CILK1: variants seen among roughly 807,000 people sequenced by gnomAD.
The protein encoded by CILK1 is ciliogenesis associated kinase 1.
CILK1 carries 47 observed loss-of-function variants against 79.2 expected under a neutral mutation model. The ratio of observed to expected loss-of-function variants is 0.59; its 90% confidence interval spans 0.47 to 0.76. The LOEUF is 0.76. CILK1 is among the 30% of genes least tolerant of loss of function. CILK1 has a pLI of 0.00. For synonymous variants in CILK1, 266 were observed against 275.9 expected (o/e 0.96, Z 0.36); for missense variants, 660 against 769.5 (o/e 0.86, Z 1.68).
At chr6:53,049,247 G>A (rs750483887) in intron 1 of CILK1, among the ~76,000 whole-genome samples, 4 of 152,214 alleles carry the variant, frequency 2.6e-5, no homozygotes, top group Non-Finnish European at 4.4e-5. Flanking sequence ...CCCACTTACA[G>A]TGGGCTATAC....
intron 1 of CILK1, among the ~76,000 whole-genome samples, chr6:53,056,322 G>C (rs1177514976): frequency 6.6e-6 from 1 of 152,200 alleles, no homozygotes; most frequent in Non-Finnish European, 1.5e-5. Flanking sequence ...ATAGGGCAGG[G>C]ATAAGCACGT....
Position 53,059,234 on chromosome 6 carries a change from G to A in CILK1, c.-173+2362C>T, listed in dbSNP as rs183587601. On this transcript the variant is annotated intron_variant, in intron 1 of 13. Transcript: ENST00000676107. ...AACTCGGGGGTGAAACTGGGGGGGAGCATTTTCCCTATTTTGCACATGAGA... is the reference window on the plus strand; with the variant it reads ...AACTCGGGGGTGAAACTGGGGGGGAACATTTTCCCTATTTTGCACATGAGA... Among the ~76,000 whole-genome samples the A allele has an allele frequency of 1.4e-3, 213 of 152,242 alleles. 1 individual carries two copies. The highest frequency in any genetic ancestry group is 2.0e-3 in the Admixed American group (30 of 15,300).
intron 12 of CILK1, among the ~76,000 whole-genome samples, chr6:53,008,483 T>C (rs1764371726): frequency 6.6e-6 from 1 of 151,744 alleles, no homozygotes; most frequent in Non-Finnish European, 1.5e-5. Context: ...TGGAGTGCAG[T>C]GGCGCAATCT....
intron 1 of CILK1, among the ~76,000 whole-genome samples, chr6:53,044,313 G>A (rs987803752): frequency 2.0e-5 from 3 of 152,210 alleles, no homozygotes; most frequent in Non-Finnish European, 2.9e-5. Flanking sequence ...CTGCCCATGG[G>A]AGGGATCTAG....
intron 1 of CILK1, among the ~76,000 whole-genome samples, chr6:53,054,391 A>G (rs543967100): frequency 6.6e-6 from 1 of 152,302 alleles, no homozygotes; most frequent in South Asian, 2.1e-4. Flanking sequence ...CAAGTCCTCA[A>G]AGATTGTTTG....
At chr6:53,014,445 T>C (rs554546946) in intron 8 of CILK1, among the ~76,000 whole-genome samples, 1 of 152,334 alleles carries the variant, frequency 6.6e-6, no homozygotes, top group African/African-American at 2.4e-5. Flanking sequence ...ATCCCAAAAG[T>C]GCCAAGAGTG....
chr6:53,044,760 T>C lies in CILK1; in HGVS notation c.-172-3352A>G, dbSNP rs116673860. Among the ~76,000 whole-genome samples the C allele has an allele frequency of 2.3e-3, 343 of 152,228 alleles. 1 individual carries two copies. The highest frequency in any genetic ancestry group is 7.8e-3 in the African/African-American group (325 of 41,534). ...AGAGGTCGTAAGGGTAGGGGTCTGA[T>C]ACAATAGGGCTAGTGTCTTTTACCT... is the stretch of plus-strand genomic sequence containing the variant. On this transcript the variant is annotated intron_variant, in intron 1 of 13. Transcript: ENST00000676107.
At chr6:53,009,984 C>G (rs1437454700) in intron 11 of CILK1, among the ~76,000 whole-genome samples, 1 of 152,204 alleles carries the variant, frequency 6.6e-6, no homozygotes, top group Non-Finnish European at 1.5e-5. Flanking sequence ...ATCTTCTCAC[C>G]CGACCTGGAC....
At chr6:53,031,673 T>C (rs901240785) in intron 4 of CILK1, among the ~76,000 whole-genome samples, 9 of 152,172 alleles carry the variant, frequency 5.9e-5, no homozygotes, top group African/African-American at 2.2e-4. Context: ...ACCTGAGTAC[T>C]GCAGCAAGAG....
chr6:53,050,320 T>A (rs1236925670), intron 1 of CILK1, among the ~76,000 whole-genome samples: 1 of 151,850 alleles, frequency 6.6e-6, no homozygotes, highest in East Asian at 1.9e-4. Flanking sequence ...GAGACCTCAC[T>A]CCACAAGTAG....
chr6:53,033,265 A>T (rs538419139), intron 3 of CILK1, among the ~76,000 whole-genome samples: 4 of 152,326 alleles, frequency 2.6e-5, no homozygotes, highest in Admixed American at 2.6e-4. Flanking sequence ...GTTTCCAAGA[A>T]CAACGAAGGC....
rs2127394797 is a variant in CILK1 at position 53,003,157 on chromosome 6, G to C, written c.*1992C>G. On this transcript the variant is annotated 3_prime_UTR_variant, in exon 14 of 14. Coordinates refer to ENST00000676107, the MANE Select transcript of CILK1 (RefSeq NM_014920.5). ...TGTGCTTGCATATATATTTTCTGAA[G>C]CTTTGCTGCCAGCTTGTTAACAGGA... is the stretch of plus-strand genomic sequence containing the variant. 6.5e-6 allele frequency: 1 copy of C among 152,718 alleles called. No individual in the cohort carries two copies. Among genetic ancestry groups the C allele is most frequent in the East Asian group, 1.9e-4 (1 of 5,186 alleles). The allele number at this position is 152,718 out of a possible 1,614,324, so 9.5% of individuals were successfully genotyped here.
chr6:53,022,973 G>A (rs1043838474), intron 5 of CILK1, among the ~76,000 whole-genome samples: 27 of 148,424 alleles, frequency 1.8e-4, no homozygotes, highest in Non-Finnish European at 3.4e-4. Context: ...TTGCTCTGTT[G>A]CCCAGGCTAG....
intron 7 of CILK1, among the ~76,000 whole-genome samples, chr6:53,017,567 G>A (rs1465830198): frequency 6.6e-6 from 1 of 152,170 alleles, no homozygotes; most frequent in Non-Finnish European, 1.5e-5. Context: ...TTTTATGAGG[G>A]GAAGTCAGTA....
chr6:53,043,383 C>T (rs1013616035), intron 1 of CILK1, among the ~76,000 whole-genome samples: 4 of 151,864 alleles, frequency 2.6e-5, no homozygotes, highest in Non-Finnish European at 4.4e-5. Context: ...CTCCTGAAAG[C>T]CGTGTGTGAG....
At chr6:53,008,381 G>A (rs939162113) in intron 12 of CILK1, among the ~76,000 whole-genome samples, 1 of 151,756 alleles carries the variant, frequency 6.6e-6, no homozygotes, top group Non-Finnish European at 1.5e-5. Context: ...GCAGGGAGGC[G>A]GGAAAGGCAC....
chr6:53,051,708 C>T (rs1470395836), intron 1 of CILK1, among the ~76,000 whole-genome samples: 2 of 152,174 alleles, frequency 1.3e-5, no homozygotes, highest in African/African-American at 2.4e-5. Context: ...TATAAAGTAA[C>T]ACTCACAGGT....
In CILK1 at chr6:53,009,524, T is replaced by C; in HGVS notation, c.1536A>G (p.Glu512=). 1.2e-6 allele frequency: 2 copies of C among 1,612,238 alleles called. No individual in the cohort carries two copies. Among genetic ancestry groups the C allele is most frequent in the South Asian group, 2.2e-5 (2 of 91,034 alleles). ...TAGACCATGGATTAGGTGGAATAAA[T>C]TCCTTGCCTGGATTCGAGAGTATGC... ...RNGILSNPGK[E]FIPPNPWSSS... is the part of the protein sequence containing the mutation. Residue 512 remains glutamate (E), a synonymous_variant, in exon 12 of 14, where the codon GAA becomes GAG. Coordinates refer to ENST00000676107, the MANE Select transcript of CILK1 (RefSeq NM_014920.5).
chr6:53,010,733 C>A (rs1764524582), intron 11 of CILK1, among the ~76,000 whole-genome samples: 1 of 152,168 alleles, frequency 6.6e-6, no homozygotes. Flanking sequence ...GGGGCCCAGT[C>A]AAGTTGCTTA....
Sources: gnomAD v4.1 joint callset for allele counts (sites outside exome capture counted in the v4.1 genomes callset) on GRCh38, gnomAD v4.1.1 for gene constraint, MANE v1.5 for transcripts, NCBI Gene and HGNC (gene_info 2026-07-23, HGNC 2026-07-21) for gene names.